IL13RA1: variants seen among roughly 807,000 people sequenced by gnomAD.
IL13RA1 encodes interleukin 13 receptor subunit alpha 1, also known as interleukin-13 receptor subunit alpha-1.
IL13RA1 carries 14 observed loss-of-function variants against 33.8 expected under a neutral mutation model. That is an observed-to-expected ratio of 0.41 (90% CI 0.27 to 0.65). The LOEUF (loss-of-function observed/expected upper bound fraction) is 0.65, where lower values mean the gene tolerates loss of function less well. Among genes scored for constraint, IL13RA1 ranks in the 30% least tolerant of loss-of-function variants. The pLI is 0.28. For synonymous variants in IL13RA1, 116 were observed against 115.7 expected, an observed-to-expected ratio of 1.00 and a Z score of -0.02; for missense variants, 313 against 327.0, an observed-to-expected ratio of 0.96 and a Z score of 0.33.
At chrX:118,751,519 C>T (rs2017469530) in intron 4 of IL13RA1, among the ~76,000 whole-genome samples, 1 of 110,131 alleles carries the variant, frequency 9.1e-6, no homozygotes, top group Non-Finnish European at 1.9e-5. Context: ...GGGTGGTGGT[C>T]GAGGGGAGGT....
intron 4 of IL13RA1, among the ~76,000 whole-genome samples, chrX:118,755,499 T>G (rs1424529054): frequency 9.0e-6 from 1 of 111,538 alleles, no homozygotes; most frequent in Non-Finnish European, 1.9e-5. Context: ...AGTATATAAA[T>G]TTTAACAGGA....
chrX:118,764,997 T>G (rs1017279043), intron 6 of IL13RA1, among the ~76,000 whole-genome samples: 1 of 112,395 alleles, frequency 8.9e-6, no homozygotes, highest in Non-Finnish European at 1.9e-5. Context: ...CCCCTTCAGT[T>G]GCTGTCCTCC....
At chrX:118,738,570 G>A (rs960310427) in intron 1 of IL13RA1, among the ~76,000 whole-genome samples, 2 of 111,631 alleles carry the variant, frequency 1.8e-5, no homozygotes, top group Non-Finnish European at 3.8e-5. Flanking sequence ...TTTTATGGCT[G>A]CGTAGTATTC....
At chrX:118,771,084 C>T (rs1450763934) in intron 8 of IL13RA1, among the ~76,000 whole-genome samples, 4 of 111,810 alleles carry the variant, frequency 3.6e-5, no homozygotes, top group African/African-American at 1.3e-4. Context: ...TCCTTGCAAA[C>T]TCTCCCCACC....
chrX:118,758,323 A>C, intron 5 of IL13RA1, 81 bp downstream of exon 5: 2 of 454,375 alleles, frequency 4.4e-6, no homozygotes, highest in Non-Finnish European at 7.6e-6. Flanking sequence ...ATAATAAAAA[A>C]TGATCATTCT....
At chrX:118,786,117 A>T (rs1205645743) in intron 10 of IL13RA1, among the ~76,000 whole-genome samples, 1 of 111,467 alleles carries the variant, frequency 9.0e-6, no homozygotes, top group Admixed American at 9.6e-5. Flanking sequence ...TTAATTTTAA[A>T]CATTTTTTAT....
chrX:118,752,108 G>C (rs1161746676), intron 4 of IL13RA1, among the ~76,000 whole-genome samples: 1 of 110,009 alleles, frequency 9.1e-6, no homozygotes, highest in Non-Finnish European at 1.9e-5. Context: ...AGGTTTTGTA[G>C]TTTCACCTGC....
chrX:118,752,339 G>A (rs188990265), intron 4 of IL13RA1, among the ~76,000 whole-genome samples: 8 of 111,336 alleles, frequency 7.2e-5, no homozygotes, highest in African/African-American at 2.6e-4. Flanking sequence ...CAGTTCCTCA[G>A]ACTGCTTTCT....
At chrX:118,749,864 C>A in intron 4 of IL13RA1, 86 bp downstream of exon 4, 1 of 632,669 alleles carries the variant, frequency 1.6e-6, no homozygotes, top group Non-Finnish European at 2.4e-6. Flanking sequence ...AAAAAAAGAA[C>A]TGTTTAATTT....
chrX:118,791,281 G>A (rs2017971845), intron 10 of IL13RA1, among the ~76,000 whole-genome samples: 1 of 111,358 alleles, frequency 9.0e-6, no homozygotes, highest in Non-Finnish European at 1.9e-5. Flanking sequence ...AGGGTCTTTC[G>A]GCAATTTCGA....
In IL13RA1 at chrX:118,761,142, AC is replaced by A; in HGVS notation, c.683del (p.Pro228LeufsTer35). 1 of 1,008,868 alleles carries A rather than the reference AC, an allele frequency of 9.9e-7. No individual in the cohort carries two copies. The highest frequency in any genetic ancestry group is 1.3e-6 in the Non-Finnish European group (1 of 742,827). The allele number at this position is 1,008,868 out of a possible 1,213,427, so 83.1% of individuals were successfully genotyped here. ...TGTTCTATTTTTGTTTTTCAGTGAA[AC>A]CTGATCCTCCACATATTAAAAACCT... Reference protein sequence around the residue: ...NIVPLTSRVKPDPPHIKNLSF... With the variant: ...NIVPLTSRVKXDPPHIKNLSF... On this transcript the variant is annotated frameshift_variant, in exon 6 of 11. Coordinates refer to ENST00000371666, the MANE Select transcript of IL13RA1 (RefSeq NM_001560.3). LOFTEE classifies it high-confidence loss of function.
At chrX:118,787,847 C>T (rs2017936165) in intron 10 of IL13RA1, among the ~76,000 whole-genome samples, 1 of 111,950 alleles carries the variant, frequency 8.9e-6, no homozygotes, top group Non-Finnish European at 1.9e-5. Flanking sequence ...TTGCTGTTAT[C>T]CTTTTCTTTT....
At chrX:118,766,614 T>C (rs1182628990) in intron 7 of IL13RA1, 37 bp downstream of exon 7, 2 of 792,724 alleles carry the variant, frequency 2.5e-6, no homozygotes, top group Non-Finnish European at 3.9e-6. Flanking sequence ...GGGTTTAGAC[T>C]TAGAGCAGTT....
intron 1 of IL13RA1, among the ~76,000 whole-genome samples, chrX:118,737,324 A>T (rs1199509809): frequency 8.9e-6 from 1 of 112,449 alleles, no homozygotes; most frequent in Non-Finnish European, 1.9e-5. Context: ...TTTGTTGTTC[A>T]AGCCTTTCCT....
chrX:118,759,750 C>T (rs908200198), intron 5 of IL13RA1, among the ~76,000 whole-genome samples: 1 of 111,713 alleles, frequency 9.0e-6, no homozygotes, highest in Admixed American at 9.5e-5. Context: ...AGTAAATTGA[C>T]CAGGCTAATG....
At chrX:118,804,577 T>C in the IL13RA1 span, among the ~76,000 whole-genome samples, 1 of 112,267 alleles carries the variant, frequency 8.9e-6, no homozygotes, top group South Asian at 3.7e-4. Flanking sequence ...TACTTCAGCA[T>C]GGATTAATTA....
At chrX:118,787,252 T>C (rs185039706) in intron 10 of IL13RA1, among the ~76,000 whole-genome samples, 280 of 111,356 alleles carry the variant, frequency 2.5e-3, no homozygotes, top group Non-Finnish European at 4.4e-3. Flanking sequence ...AAGCTGGATG[T>C]CTGGGGGAGA....
chrX:118,733,475 T>C (rs1569453771), intron 1 of IL13RA1, among the ~76,000 whole-genome samples: 1 of 111,925 alleles, frequency 8.9e-6, no homozygotes. Context: ...TATTTCTGAA[T>C]TGAATTTTTT....
At chrX:118,762,737 CA>C (rs2017602926) in intron 6 of IL13RA1, among the ~76,000 whole-genome samples, 1 of 112,020 alleles carries the variant, frequency 8.9e-6, no homozygotes, top group African/African-American at 3.2e-5. Flanking sequence ...CTTGAATTTA[CA>C]ACAAAAGGAG....
Sources: gnomAD v4.1 joint callset for allele counts (sites outside exome capture counted in the v4.1 genomes callset) on GRCh38, gnomAD v4.1.1 for gene constraint, MANE v1.5 for transcripts, NCBI Gene and HGNC (gene_info 2026-07-23, HGNC 2026-07-21) for gene names.